The following ATXN1 variants were observed in gnomAD, a reference collection of about 807,000 sequenced individuals.
The protein encoded by ATXN1 is ataxin 1.
Under a neutral mutation model 56.4 loss-of-function variants are expected in ATXN1, and 8 were observed. The ratio of observed to expected loss-of-function variants is 0.14; its 90% CI spans 0.08 to 0.26. The LOEUF (loss-of-function observed/expected upper bound fraction) is 0.26, where lower values mean the gene tolerates loss of function less well. Ranked by LOEUF, ATXN1 falls within the 10% of genes least tolerant of loss-of-function variation. The pLI is 1.00. For synonymous variants in ATXN1, 514 were observed against 494.6 expected (o/e 1.04, Z -0.52); for missense variants, 987 against 1,106.5 (o/e 0.89, Z 1.53).
Position 16,390,613 on chromosome 6 carries a change from G to A in ATXN1, c.-160-62143C>T, listed in dbSNP as rs541996661. Among the ~76,000 whole-genome samples, 12 of 151,862 alleles carry A rather than the reference G, an allele frequency of 7.9e-5. No individual in the cohort carries two copies. The South Asian group carries it at 2.1e-3, about 26-fold the overall frequency. On this transcript the variant is annotated intron_variant, in intron 6 of 7. Coordinates refer to ENST00000436367, the MANE Select transcript of ATXN1 (RefSeq NM_001128164.2). ...TAGCGTCATATCTCCCTGATGATCC[G>A]TGGTAGTGGCGTTAATCCATTTACG...
chr6:16,502,860 TC>T (rs1469344693), intron 5 of ATXN1, among the ~76,000 whole-genome samples: 2 of 152,352 alleles, frequency 1.3e-5, no homozygotes, highest in East Asian at 3.9e-4. Context: ...AATGAAAATA[TC>T]CCTAAGTCAT....
intron 6 of ATXN1, among the ~76,000 whole-genome samples, chr6:16,335,404 T>A (rs906081827): frequency 2.0e-5 from 3 of 152,288 alleles, no homozygotes; most frequent in African/African-American, 7.2e-5. Context: ...CCCAACGCGC[T>A]CGGGTTTCCC....
intron 7 of ATXN1, among the ~76,000 whole-genome samples, chr6:16,309,100 C>T (rs146861435): frequency 6.6e-6 from 1 of 151,286 alleles, no homozygotes; most frequent in African/African-American, 2.4e-5. Flanking sequence ...TGTGGTGATG[C>T]GTGCCTGTAG....
chr6:16,407,614 G>A (rs546050887), intron 6 of ATXN1, among the ~76,000 whole-genome samples: 1 of 152,330 alleles, frequency 6.6e-6, no homozygotes, highest in East Asian at 1.9e-4. Context: ...AATGCAGAGA[G>A]GAGACTAAAA....
At chr6:16,572,797 T>G (rs375264388) in intron 4 of ATXN1, among the ~76,000 whole-genome samples, 2 of 152,170 alleles carry the variant, frequency 1.3e-5, no homozygotes, top group East Asian at 3.8e-4. Flanking sequence ...TGCATACACT[T>G]TTTCTGTTTT....
intron 6 of ATXN1, among the ~76,000 whole-genome samples, chr6:16,391,022 C>T (rs900105102): frequency 2.0e-5 from 3 of 151,810 alleles, no homozygotes; most frequent in East Asian, 3.9e-4. Context: ...ATTAGCTGGG[C>T]GTAGGAGCAC....
At chr6:16,639,471 A>G (rs184689309) in intron 3 of ATXN1, among the ~76,000 whole-genome samples, 5 of 151,918 alleles carry the variant, frequency 3.3e-5, no homozygotes, top group African/African-American at 1.2e-4. Flanking sequence ...GCCCCACCAC[A>G]CCCGGCTAAT....
intron 2 of ATXN1, among the ~76,000 whole-genome samples, chr6:16,686,520 A>G (rs1324455735): frequency 1.3e-5 from 1 of 77,708 alleles, no homozygotes; most frequent in African/African-American, 5.0e-5. Context: ...CCGAAAAGAG[A>G]TATTTATATA....
chr6:16,446,911 A>G (rs1176000269), intron 6 of ATXN1, among the ~76,000 whole-genome samples: 1 of 152,254 alleles, frequency 6.6e-6, no homozygotes, highest in East Asian at 1.9e-4. Context: ...TATGGAAGAC[A>G]TGCTTGGTGA....
intron 6 of ATXN1, among the ~76,000 whole-genome samples, chr6:16,372,334 AAGGAGAGAATGGAAAAGAAGTTGAGAGGG>A (rs1467088322): frequency 2.6e-5 from 4 of 152,280 alleles, no homozygotes; most frequent in Non-Finnish European, 5.9e-5. Flanking sequence ...AAACAAGAGG[AAGGAGAGAATGGAAAAGAAGTTGAGAGGG>A]AACAGAAAAG....
At chr6:16,319,855 CCTT>C (rs896102898) in intron 7 of ATXN1, among the ~76,000 whole-genome samples, 2 of 150,248 alleles carry the variant, frequency 1.3e-5, no homozygotes, top group African/African-American at 4.9e-5. Context: ...GCATTTTTCT[CCTT>C]TTTTTTTTTT....
At chr6:16,454,462 C>G (rs1759826629) in intron 6 of ATXN1, among the ~76,000 whole-genome samples, 1 of 152,180 alleles carries the variant, frequency 6.6e-6, no homozygotes, top group African/African-American at 2.4e-5. Context: ...GTCAAGGCTG[C>G]CTGAGGGCTG....
At chr6:16,489,532 C>T (rs1760616625) in intron 5 of ATXN1, among the ~76,000 whole-genome samples, 1 of 152,206 alleles carries the variant, frequency 6.6e-6, no homozygotes, top group Admixed American at 6.5e-5. Context: ...ATTTCCTCAT[C>T]ACCAGCAGCT....
chr6:16,709,582 T>C (rs550217792), intron 2 of ATXN1, among the ~76,000 whole-genome samples: 4 of 152,130 alleles, frequency 2.6e-5, no homozygotes, highest in Non-Finnish European at 4.4e-5. Flanking sequence ...CTTAGAACCT[T>C]CACACAAAGA....
chr6:16,621,074 T>C (rs933371672), intron 3 of ATXN1, among the ~76,000 whole-genome samples: 2 of 152,262 alleles, frequency 1.3e-5, no homozygotes, highest in African/African-American at 4.8e-5. Flanking sequence ...CTGTTCATGT[T>C]ATTTCAGTAA....
intron 4 of ATXN1, among the ~76,000 whole-genome samples, chr6:16,548,534 C>T (rs1023866636): frequency 2.0e-5 from 3 of 152,172 alleles, no homozygotes; most frequent in African/African-American, 4.8e-5. Context: ...ACATCATCCA[C>T]TTTAAAGTTG....
intron 3 of ATXN1, among the ~76,000 whole-genome samples, chr6:16,635,021 C>T (rs9477191): frequency 2.7e-4 from 41 of 152,280 alleles, no homozygotes; most frequent in African/African-American, 9.4e-4. Context: ...AGGAGGTGAG[C>T]AGTAGGCGAA....
intron 2 of ATXN1, among the ~76,000 whole-genome samples, chr6:16,700,159 T>C (rs1419157896): frequency 6.6e-6 from 1 of 152,116 alleles, no homozygotes; most frequent in Admixed American, 6.6e-5. Flanking sequence ...CTTTCCCAAT[T>C]AAAAAAATCC....
At chr6:16,316,237 G>C (rs1209217240) in intron 7 of ATXN1, among the ~76,000 whole-genome samples, 1 of 152,208 alleles carries the variant, frequency 6.6e-6, no homozygotes, top group Non-Finnish European at 1.5e-5. Context: ...AGGTGGAACA[G>C]TTTCATCCCA....
Sources: gnomAD v4.1 joint callset for allele counts (sites outside exome capture counted in the v4.1 genomes callset) on GRCh38, gnomAD v4.1.1 for gene constraint, MANE v1.5 for transcripts, NCBI Gene and HGNC (gene_info 2026-07-23, HGNC 2026-07-21) for gene names.